The following EPHA6 variants were observed in gnomAD, a reference collection of about 807,000 sequenced individuals.
The protein encoded by EPHA6 is ephrin type-A receptor 6.
In EPHA6, 50 loss-of-function variants were observed where a neutral mutation model predicts 112.0. That is an observed-to-expected ratio of 0.45 (90% CI 0.36 to 0.56). The LOEUF (loss-of-function observed/expected upper bound fraction) is 0.56. Ranked by LOEUF, EPHA6 falls within the 20% of genes least tolerant of loss-of-function variation. The probability of loss-of-function intolerance (pLI) is 0.00; values close to 1 mark genes in which losing one functional copy is unlikely to be tolerated. For missense variants in EPHA6, 1,280 were observed against 1,417.4 expected (o/e 0.90, Z 1.56); for synonymous variants, 529 against 490.7 (o/e 1.08, Z -1.03).
chr3:97,344,433 TTAG>T (rs1266651104), intron 5 of EPHA6, among the ~76,000 whole-genome samples: 1 of 152,132 alleles, frequency 6.6e-6, no homozygotes, highest in Admixed American at 6.5e-5. Flanking sequence ...CCTAATGGGA[TTAG>T]TGCCCTTATA....
chr3:97,731,386 G>T (rs952010887), intron 15 of EPHA6, among the ~76,000 whole-genome samples: 3 of 152,022 alleles, frequency 2.0e-5, no homozygotes, highest in African/African-American at 4.8e-5. Flanking sequence ...TGGAGAGAAA[G>T]CTGAGCTAGA....
At chr3:96,889,647 A>G (rs1192856922) in intron 2 of EPHA6, among the ~76,000 whole-genome samples, 2 of 152,202 alleles carry the variant, frequency 1.3e-5, no homozygotes, top group Non-Finnish European at 2.9e-5. Flanking sequence ...ACAATTCAAG[A>G]TGAGATTTGG....
chr3:97,006,079 T>C (rs2043866857), intron 3 of EPHA6, among the ~76,000 whole-genome samples: 1 of 152,184 alleles, frequency 6.6e-6, no homozygotes. Flanking sequence ...TGAAGTTTTC[T>C]CTTTTTGTTG....
chr3:97,285,696 C>T (rs934744084), intron 5 of EPHA6, among the ~76,000 whole-genome samples: 19 of 152,012 alleles, frequency 1.2e-4, no homozygotes, highest in African/African-American at 4.1e-4. Context: ...TGCAAATATC[C>T]TTTTGATATA....
In EPHA6 at chr3:97,256,205, T is replaced by C. The variant is rs567672650; in HGVS notation, c.1606+11918T>C. On this transcript the variant is annotated intron_variant, in intron 5 of 17. Coordinates refer to ENST00000389672, the MANE Select transcript of EPHA6 (RefSeq NM_001080448.3). ...TTTATTTCACTACTAATTTTAATTT[T>C]ATTCTATATTTTCATATTTTTTTTA... is the stretch of plus-strand genomic sequence containing the variant. 1.1e-4 allele frequency among the ~76,000 whole-genome samples: 16 copies of C among 152,218 alleles called. No individual in the cohort carries two copies. The South Asian group carries it at 3.3e-3, about 32-fold the overall frequency.
chr3:97,440,716 A>T (rs1168223332), intron 6 of EPHA6, among the ~76,000 whole-genome samples: 1 of 151,720 alleles, frequency 6.6e-6, no homozygotes, highest in Admixed American at 6.6e-5. Flanking sequence ...AGAAAAATAA[A>T]TTAGAAGGAA....
intron 3 of EPHA6, among the ~76,000 whole-genome samples, chr3:97,190,965 G>A (rs1050122431): frequency 2.0e-5 from 3 of 152,078 alleles, no homozygotes; most frequent in African/African-American, 7.2e-5. Flanking sequence ...ATGATATACA[G>A]TGTATCTCTT....
intron 10 of EPHA6, among the ~76,000 whole-genome samples, chr3:97,501,126 G>A (rs145034342): frequency 6.6e-6 from 1 of 152,144 alleles, no homozygotes; most frequent in African/African-American, 2.4e-5. Flanking sequence ...GATGGTCACA[G>A]TACAACCAGA....
At chr3:97,240,779 G>A (rs2078822788) in intron 4 of EPHA6, among the ~76,000 whole-genome samples, 1 of 151,636 alleles carries the variant, frequency 6.6e-6, no homozygotes, top group African/African-American at 2.4e-5. Context: ...ACAAATTTTT[G>A]GGAAATGTTG....
rs113624391 is a variant in EPHA6, at chr3:97,360,906, C to A, written c.1607-44244C>A. On this transcript the variant is annotated intron_variant, in intron 5 of 17. Transcript: ENST00000389672. The stretch of plus-strand genomic sequence containing the variant: ...CTATGACTACTCAGCTACTGTCGAC[C>A]CTAAAGTGCTTTTACCTATGCTTAT... Among the ~76,000 whole-genome samples, 519 of 152,162 alleles carry A rather than the reference C, an allele frequency of 3.4e-3. 3 individuals are homozygous for A. Among genetic ancestry groups the A allele is most frequent in the African/African-American group, 0.011 (455 of 41,512 alleles).
intron 2 of EPHA6, among the ~76,000 whole-genome samples, chr3:96,941,308 T>C (rs1051232407): frequency 6.6e-6 from 1 of 152,144 alleles, no homozygotes; most frequent in East Asian, 1.9e-4. Context: ...CTTTTTATTC[T>C]TTTTTCTCTA....
At chr3:97,603,137 T>C (rs1034234474) in intron 12 of EPHA6, among the ~76,000 whole-genome samples, 1 of 152,058 alleles carries the variant, frequency 6.6e-6, no homozygotes, top group African/African-American at 2.4e-5. Flanking sequence ...TAGTATCTTA[T>C]AGTAAAAACA....
intron 14 of EPHA6, among the ~76,000 whole-genome samples, chr3:97,713,435 A>C (rs2034069329): frequency 2.0e-5 from 3 of 152,178 alleles, no homozygotes; most frequent in African/African-American, 7.2e-5. Context: ...TTAAAAATTT[A>C]GTTTCATATG....
intron 5 of EPHA6, among the ~76,000 whole-genome samples, chr3:97,341,872 A>G (rs2083323036): frequency 6.6e-6 from 1 of 152,208 alleles, no homozygotes; most frequent in Non-Finnish European, 1.5e-5. Flanking sequence ...TTACTAAGAA[A>G]AAGTATACTG....
intron 15 of EPHA6, among the ~76,000 whole-genome samples, chr3:97,734,982 A>C (rs10804622): frequency 6.6e-6 from 1 of 151,928 alleles, no homozygotes; most frequent in Non-Finnish European, 1.5e-5. Flanking sequence ...GATTTCCTTA[A>C]GTACCAAGAA....
chr3:96,916,821 T>G (rs2039504765), intron 2 of EPHA6, among the ~76,000 whole-genome samples: 1 of 152,156 alleles, frequency 6.6e-6, no homozygotes, highest in Admixed American at 6.5e-5. Context: ...TCAGGAAATA[T>G]AAGAATCCCA....
chr3:97,593,736 C>T (rs1483433589), intron 12 of EPHA6, among the ~76,000 whole-genome samples: 1 of 152,114 alleles, frequency 6.6e-6, no homozygotes, highest in African/African-American at 2.4e-5. Context: ...TTTTCCTTTG[C>T]TTTTCAATTA....
intron 11 of EPHA6, among the ~76,000 whole-genome samples, chr3:97,540,092 C>A (rs188962610): frequency 2.1e-4 from 32 of 152,314 alleles, no homozygotes; most frequent in African/African-American, 7.0e-4. Context: ...TGGTAATTTT[C>A]TGTACTTTCT....
chr3:97,229,053 C>T (rs1576727407), intron 4 of EPHA6, among the ~76,000 whole-genome samples: 3 of 152,136 alleles, frequency 2.0e-5, no homozygotes, highest in Middle Eastern at 6.8e-3. Context: ...CCTTTGCCAA[C>T]TTTTTGATGG....
Sources: gnomAD v4.1 joint callset for allele counts (sites outside exome capture counted in the v4.1 genomes callset) on GRCh38, gnomAD v4.1.1 for gene constraint, MANE v1.5 for transcripts, NCBI Gene and HGNC (gene_info 2026-07-23, HGNC 2026-07-21) for gene names.